The following PRLR variants were observed in gnomAD, a reference collection of about 807,000 sequenced individuals.
The protein encoded by PRLR is hPRL receptor.
Under a neutral mutation model 40.2 loss-of-function variants are expected in PRLR, and 13 were observed. The observed-to-expected ratio is 0.32, with a 90% confidence interval of 0.21 to 0.51. The LOEUF (loss-of-function observed/expected upper bound fraction) is 0.51. PRLR is among the 20% of genes least tolerant of loss of function. PRLR has a pLI of 0.97. For missense variants in PRLR, 656 were observed against 747.3 expected (o/e 0.88, Z 1.42); for synonymous variants, 269 against 278.7 (o/e 0.97, Z 0.35).
intron 8 of PRLR, among the ~76,000 whole-genome samples, chr5:35,050,091 G>T (rs1561243529): frequency 1.3e-5 from 2 of 151,952 alleles, no homozygotes. Flanking sequence ...TAATAGAGAC[G>T]GGGTTTCTCC....
At chr5:35,150,676 A>G (rs750766591) in intron 1 of PRLR, among the ~76,000 whole-genome samples, 1 of 152,202 alleles carries the variant, frequency 6.6e-6, no homozygotes, top group Non-Finnish European at 1.5e-5. Flanking sequence ...TTGGAAAGAT[A>G]TTGAAAGACA....
chr5:35,049,535 A>C, intron 8 of PRLR: 1 of 599,820 alleles, frequency 1.7e-6, no homozygotes, highest in Non-Finnish European at 3.0e-6. Flanking sequence ...TACTTCTGTT[A>C]AACAAACTCA....
At chr5:35,144,754 G>A (rs968291030) in intron 1 of PRLR, among the ~76,000 whole-genome samples, 31 of 152,064 alleles carry the variant, frequency 2.0e-4, no homozygotes, top group African/African-American at 6.5e-4. Context: ...ATGGGCCACC[G>A]CACCTGGCCA....
At chr5:35,204,121 A>G (rs1775949582) in intron 1 of PRLR, among the ~76,000 whole-genome samples, 1 of 152,056 alleles carries the variant, frequency 6.6e-6, no homozygotes, top group Non-Finnish European at 1.5e-5. Context: ...GTGTATTTCA[A>G]AGGCTAATTG....
chr5:35,135,591 T>C (rs1773831598), intron 1 of PRLR: 1 of 152,502 alleles, frequency 6.6e-6, no homozygotes, highest in South Asian at 2.1e-4. Context: ...AACCTCCTCT[T>C]AGGCTTCTGA....
At chr5:35,204,295 CTT>C (rs1455104587) in intron 1 of PRLR, among the ~76,000 whole-genome samples, 7 of 151,552 alleles carry the variant, frequency 4.6e-5, no homozygotes, top group Non-Finnish European at 7.4e-5. Context: ...TTATCTTACT[CTT>C]GAGTTGGAAA....
chr5:35,080,691 C>T (rs541932344), intron 5 of PRLR, among the ~76,000 whole-genome samples: 16 of 152,092 alleles, frequency 1.1e-4, no homozygotes, highest in East Asian at 1.9e-4. Flanking sequence ...CCCATTACTG[C>T]GTATATACCC....
chr5:35,092,742 T>C (rs1406300314), intron 2 of PRLR, among the ~76,000 whole-genome samples: 1 of 152,136 alleles, frequency 6.6e-6, no homozygotes, highest in Non-Finnish European at 1.5e-5. Flanking sequence ...GCCCCACACA[T>C]CCTGGGGACT....
At chr5:35,122,469 T>C (rs1383476487) in intron 1 of PRLR, among the ~76,000 whole-genome samples, 2 of 152,230 alleles carry the variant, frequency 1.3e-5, no homozygotes, top group Non-Finnish European at 2.9e-5. Context: ...GTTCTCATCG[T>C]TCAGCTCCCA....
At position 35,061,439 on chromosome 5, in the gene PRLR, A is replaced by G. The variant is rs1399523802; in HGVS notation, c.*3650T>C. ...GCTTTTCACATTCAGCTGGGTCATCACAAGACACAGAGCAAAACTGCCCAG... is the reference window on the plus strand; with the variant it reads ...GCTTTTCACATTCAGCTGGGTCATCGCAAGACACAGAGCAAAACTGCCCAG... On this transcript the variant is annotated 3_prime_UTR_variant, in exon 10 of 10. Transcript: ENST00000618457. 1 of 152,202 alleles carries G rather than the reference A, an allele frequency of 6.6e-6. No homozygotes were observed. Among genetic ancestry groups the G allele is most frequent in the African/African-American group, 2.4e-5 (1 of 41,452 alleles). The allele number at this position is 152,202 out of a possible 1,614,324, so 9.4% of individuals were successfully genotyped here. A position where few individuals can be genotyped will look rare whatever the true frequency, so the allele number is the denominator to read the frequency against.
chr5:35,151,748 C>A (rs1175808384), intron 1 of PRLR, among the ~76,000 whole-genome samples: 3 of 152,156 alleles, frequency 2.0e-5, no homozygotes, highest in Non-Finnish European at 2.9e-5. Context: ...CAGCCAGGCA[C>A]CAAACATATG....
At chr5:35,072,883 C>A (rs953398748) in intron 5 of PRLR, 139 bp from the exon 6 acceptor site, 1 of 956,666 alleles carries the variant, frequency 1.0e-6, no homozygotes. Flanking sequence ...AATACCCGGG[C>A]CTTTTGTCTT....
intron 1 of PRLR, among the ~76,000 whole-genome samples, chr5:35,179,510 C>T (rs1413226187): frequency 6.6e-6 from 1 of 152,208 alleles, no homozygotes; most frequent in Non-Finnish European, 1.5e-5. Flanking sequence ...CAACAATAAG[C>T]AAGTGAGCAG....
chr5:35,096,632 T>A (rs1285227749), intron 2 of PRLR, among the ~76,000 whole-genome samples: 4 of 152,180 alleles, frequency 2.6e-5, no homozygotes. Context: ...TTTCTTTTTT[T>A]TTTTTTGAGA....
At chr5:35,229,649 G>A (rs1157816841) in intron 1 of PRLR, among the ~76,000 whole-genome samples, 1 of 151,990 alleles carries the variant, frequency 6.6e-6, no homozygotes, top group Non-Finnish European at 1.5e-5. Context: ...TCCAGCTCCG[G>A]CTTCTGGCCC....
intron 5 of PRLR, among the ~76,000 whole-genome samples, chr5:35,073,698 C>T (rs533815189): frequency 5.3e-5 from 8 of 152,118 alleles, no homozygotes; most frequent in Admixed American, 3.3e-4. Flanking sequence ...ATGTCAGGTG[C>T]TGGAGAGCAG....
At chr5:35,174,152 C>T (rs1031236800) in intron 1 of PRLR, among the ~76,000 whole-genome samples, 3 of 151,570 alleles carry the variant, frequency 2.0e-5, no homozygotes, top group Middle Eastern at 3.4e-3. Flanking sequence ...TGCAGTGGCG[C>T]GATCTCGGCT....
chr5:35,135,401 A>T (rs1002045306), intron 1 of PRLR: 1 of 152,290 alleles, frequency 6.6e-6, no homozygotes, highest in Non-Finnish European at 1.5e-5. Flanking sequence ...CTGGTGAGAG[A>T]GGAGGGGAGA....
intron 1 of PRLR, among the ~76,000 whole-genome samples, chr5:35,181,518 C>T (rs34246206): frequency 0.096 from 14,623 of 152,250 alleles, 913 homozygotes; most frequent in Non-Finnish European, 0.12. Context: ...ACTCAGACTA[C>T]GTTATTCTTT....
Sources: allele counts gnomAD v4.1 joint callset (sites outside exome capture counted in the v4.1 genomes callset), GRCh38; gene constraint gnomAD v4.1.1; transcripts MANE v1.5; gene names NCBI Gene and HGNC (gene_info 2026-07-23, HGNC 2026-07-21).